The following LMO1 variants were observed in gnomAD, a reference collection of about 807,000 sequenced individuals.
The protein encoded by LMO1 is rhombotin-1.
In LMO1, 10 loss-of-function variants were observed where a neutral mutation model predicts 18.0. The observed-to-expected ratio is 0.55, with a 90% CI of 0.34 to 0.94. LMO1 has a LOEUF of 0.94. Among genes scored for constraint, LMO1 ranks in the 40% least tolerant of loss-of-function variants. The probability of loss-of-function intolerance (pLI) is 0.02; values close to 1 mark genes in which losing one functional copy is unlikely to be tolerated. For synonymous variants in LMO1, 77 were observed against 77.9 expected, an observed-to-expected ratio of 0.99 and a Z score of 0.06; for missense variants, 183 against 205.7, an observed-to-expected ratio of 0.89 and a Z score of 0.68.
intron 1 of LMO1, among the ~76,000 whole-genome samples, chr11:8,258,983 T>C (rs554335413): frequency 6.6e-6 from 1 of 152,346 alleles, no homozygotes; most frequent in Non-Finnish European, 1.5e-5. Flanking sequence ...GCATCAGTAG[T>C]TAATGCAGTA....
intron 2 of LMO1, among the ~76,000 whole-genome samples, chr11:8,229,187 C>G (rs560798416): frequency 1.3e-5 from 2 of 152,332 alleles, no homozygotes; most frequent in South Asian, 4.1e-4. Context: ...CGCGCCTAGC[C>G]TGAACATTCT....
Position 8,224,354 on chromosome 11 carries a change from C to T in LMO1, c.*262G>A. 2.1e-6 allele frequency: 1 copy of T among 485,432 alleles called. No homozygotes were observed. Among genetic ancestry groups the T allele is most frequent in the Non-Finnish European group, 3.7e-6 (1 of 269,886 alleles). 30.1% of individuals were successfully genotyped at this position (485,432 alleles called of 1,614,324 possible). Reference sequence around the variant, plus strand: ...TTAATCCACGCCAGTAATAAAATCGCATTACATTTCTCATAAAATAAATGT... The same window carrying T: ...TTAATCCACGCCAGTAATAAAATCGTATTACATTTCTCATAAAATAAATGT... On this transcript the variant is annotated 3_prime_UTR_variant, in exon 4 of 4. Coordinates refer to ENST00000335790, the MANE Select transcript of LMO1 (RefSeq NM_002315.3).
intron 1 of LMO1, among the ~76,000 whole-genome samples, chr11:8,233,446 T>A (rs1346307115): frequency 6.6e-6 from 1 of 152,056 alleles, no homozygotes; most frequent in Non-Finnish European, 1.5e-5. Flanking sequence ...ACGGAAGCAA[T>A]CCCTTGCTTC....
intron 3 of LMO1, among the ~76,000 whole-genome samples, chr11:8,225,357 A>T (rs1275183512): frequency 7.1e-6 from 1 of 140,202 alleles, no homozygotes; most frequent in African/African-American, 2.6e-5. Flanking sequence ...GTGAGCCGAG[A>T]TCACGCCACC....
chr11:8,234,894 G>A (rs1172267878), intron 1 of LMO1, among the ~76,000 whole-genome samples: 1 of 152,212 alleles, frequency 6.6e-6, no homozygotes, highest in Non-Finnish European at 1.5e-5. Context: ...AGTCAAGAGT[G>A]AGACTGAGGC....
chr11:8,240,806 C>T (rs970436678), intron 1 of LMO1, among the ~76,000 whole-genome samples: 1 of 152,136 alleles, frequency 6.6e-6, no homozygotes, highest in African/African-American at 2.4e-5. Context: ...GACACAAACA[C>T]TCAGATCATA....
rs1395086692 is a variant in LMO1, at chr11:8,224,664, G to C, written c.423C>G (p.Asp141Glu). 6.2e-7 allele frequency: 1 copy of C among 1,611,230 alleles called. No individual in the cohort carries two copies. Among genetic ancestry groups the C allele is most frequent in the Non-Finnish European group, 8.5e-7 (1 of 1,178,686 alleles). Residue 141 changes from aspartate to glutamate, a missense_variant, in exon 4 of 4, where the codon GAC (aspartate) becomes GAG (glutamate). Coordinates refer to ENST00000335790, the MANE Select transcript of LMO1 (RefSeq NM_002315.3). ...LKNNMILCQM[D>E]YEEGQLNGTF... ...TGCCATTGAGCTGCCCTTCCTCATA[G>C]TCCATCTGACACAAGATCATGTTGT...
intron 1 of LMO1, among the ~76,000 whole-genome samples, chr11:8,236,054 G>C (rs1216747778): frequency 6.6e-6 from 1 of 152,198 alleles, no homozygotes. Flanking sequence ...TGTGTAGAAG[G>C]AAGCCACCCT....
At chr11:8,226,145 T>C (rs1169188176) in intron 3 of LMO1, among the ~76,000 whole-genome samples, 1 of 152,100 alleles carries the variant, frequency 6.6e-6, no homozygotes, top group Non-Finnish European at 1.5e-5. Flanking sequence ...ATGCACATAC[T>C]ATACACTGGG....
chr11:8,243,420 A>T (rs1478878518), intron 1 of LMO1, among the ~76,000 whole-genome samples: 1 of 152,198 alleles, frequency 6.6e-6, no homozygotes, highest in Non-Finnish European at 1.5e-5. Context: ...CTTGTTCAGA[A>T]GTGAATGTCT....
At chr11:8,256,579 C>T (rs1460203573) in intron 1 of LMO1, among the ~76,000 whole-genome samples, 1 of 152,186 alleles carries the variant, frequency 6.6e-6, no homozygotes, top group Non-Finnish European at 1.5e-5. Flanking sequence ...TTTAATTTGC[C>T]CCCAGTTGTA....
chr11:8,230,270 G>T (rs760541367), intron 2 of LMO1, 21 bp downstream of exon 2: 8 of 1,609,874 alleles, frequency 5.0e-6, no homozygotes, highest in Non-Finnish European at 4.2e-6. Flanking sequence ...GGGCTTGGGA[G>T]GCCAGGGTTT....
intron 1 of LMO1, among the ~76,000 whole-genome samples, chr11:8,247,504 A>G (rs404133): frequency 0.88 from 133,947 of 152,276 alleles, 59,687 homozygotes; most frequent in South Asian, 0.98. Context: ...AGCTGGGGCC[A>G]CACTGGGGCA....
At chr11:8,268,022 A>G (rs1010969668), upstream of LMO1, among the ~76,000 whole-genome samples, 7 of 152,186 alleles carry the variant, frequency 4.6e-5, no homozygotes, top group Non-Finnish European at 8.8e-5. Context: ...GCGGAAGGGG[A>G]ACGTGCAGAC....
intron 2 of LMO1, among the ~76,000 whole-genome samples, chr11:8,228,032 C>A (rs1952580054): frequency 6.6e-6 from 1 of 152,202 alleles, no homozygotes; most frequent in Admixed American, 6.5e-5. Context: ...TTGCCTAAGT[C>A]CCTTTTTTTC....
At chr11:8,252,032 ATG>A (rs1241372716) in intron 1 of LMO1, among the ~76,000 whole-genome samples, 2 of 151,846 alleles carry the variant, frequency 1.3e-5, no homozygotes, top group Non-Finnish European at 2.9e-5. Context: ...GTGTGTGAGC[ATG>A]TGTGTGTGTC....
chr11:8,242,048 T>G (rs1203487140), intron 1 of LMO1, among the ~76,000 whole-genome samples: 4 of 152,148 alleles, frequency 2.6e-5, no homozygotes, highest in Non-Finnish European at 4.4e-5. Context: ...GATGGAGCCT[T>G]AATCAGGCTT....
At chr11:8,250,537 A>G (rs1165922883) in intron 1 of LMO1, among the ~76,000 whole-genome samples, 1 of 152,250 alleles carries the variant, frequency 6.6e-6, no homozygotes, top group Non-Finnish European at 1.5e-5. Flanking sequence ...ATTTGGGTGG[A>G]GTACCAGCTT....
chr11:8,251,887 A>G (rs1023117965), intron 1 of LMO1, among the ~76,000 whole-genome samples: 1 of 125,354 alleles, frequency 8.0e-6, no homozygotes, highest in South Asian at 2.7e-4. Flanking sequence ...GTGTGTGTAT[A>G]GGTGTGTATG....
Sources: gnomAD v4.1 joint callset for allele counts (sites outside exome capture counted in the v4.1 genomes callset) on GRCh38, gnomAD v4.1.1 for gene constraint, MANE v1.5 for transcripts, NCBI Gene and HGNC (gene_info 2026-07-23, HGNC 2026-07-21) for gene names.